ZNF804A: variants seen among roughly 807,000 people sequenced by gnomAD.
ZNF804A encodes zinc finger protein 804A.
A neutral mutation model predicts 16.5 loss-of-function variants in ZNF804A; 2 were observed. The observed-to-expected ratio is 0.12, with a 90% CI of 0.05 to 0.38. ZNF804A has a LOEUF of 0.38. Among genes scored for constraint, ZNF804A ranks in the 10% least tolerant of loss-of-function variants. The pLI, the probability that ZNF804A is intolerant of heterozygous loss-of-function variation, is 0.99. For synonymous variants in ZNF804A, 534 were observed against 489.6 expected (o/e 1.09, Z -1.20); for missense variants, 1,473 against 1,390.7 (o/e 1.06, Z -0.94).
rs1204963272 is a variant in ZNF804A at position 184,741,902 on chromosome 2, C to T, written c.112-124467C>T. Among the ~76,000 whole-genome samples the T allele has an allele frequency of 3.3e-5, 5 of 151,768 alleles. No individual in the cohort carries two copies. In the East Asian group the frequency reaches 5.8e-4, roughly 18 times the overall value. ...TACAAGTAATTAGAATTTTATTTGC[C>T]CTCTGGAAAGCAAGTAACATTTTTC... On this transcript the variant is annotated intron_variant, in intron 1 of 3. Coordinates refer to ENST00000302277, the MANE Select transcript of ZNF804A (RefSeq NM_194250.2).
At chr2:184,892,480 G>GTTTTT (rs1574259380) in intron 2 of ZNF804A, among the ~76,000 whole-genome samples, 1 of 85,512 alleles carries the variant, frequency 1.2e-5, no homozygotes, top group African/African-American at 4.2e-5. Context: ...ACATTGTTGT[G>GTTTTT]TTCTTTTTTT....
intron 1 of ZNF804A, among the ~76,000 whole-genome samples, chr2:184,841,745 ATTTATATTAAAATCTG>A: frequency 6.6e-6 from 1 of 152,098 alleles, no homozygotes; most frequent in Non-Finnish European, 1.5e-5. Flanking sequence ...TAAATGTTTA[ATTTATATTAAAATCTG>A]TGTTTCAGAT....
chr2:184,634,770 A>T (rs2105688879), intron 1 of ZNF804A, among the ~76,000 whole-genome samples: 1 of 152,320 alleles, frequency 6.6e-6, no homozygotes, highest in East Asian at 1.9e-4. Context: ...GACCTCCAGA[A>T]CTGTGATGTA....
intron 2 of ZNF804A, among the ~76,000 whole-genome samples, chr2:184,929,816 ATCC>A (rs1685668508): frequency 6.6e-5 from 10 of 152,104 alleles, no homozygotes; most frequent in Admixed American, 6.6e-4. Context: ...CATCCCCAAC[ATCC>A]AACCCTTTTT....
intron 2 of ZNF804A, among the ~76,000 whole-genome samples, chr2:184,905,654 C>T (rs1254263288): frequency 6.6e-6 from 1 of 152,056 alleles, no homozygotes; most frequent in Non-Finnish European, 1.5e-5. Context: ...TGTTACTTTT[C>T]CTTGAACTGA....
At position 184,734,108 on chromosome 2, in the gene ZNF804A, C is replaced by T. The variant is rs571824261; in HGVS notation, c.112-132261C>T. Reference sequence around the variant, plus strand: ...ATATTATTTTGAGATAGGATCTTGCCGTGTCACCCAGGCTGGAGTGCAGTG... The same window carrying T: ...ATATTATTTTGAGATAGGATCTTGCTGTGTCACCCAGGCTGGAGTGCAGTG... On this transcript the variant is annotated intron_variant, in intron 1 of 3. Coordinates refer to ENST00000302277, the MANE Select transcript of ZNF804A (RefSeq NM_194250.2). Among the ~76,000 whole-genome samples, 7 of 151,870 alleles carry T rather than the reference C, an allele frequency of 4.6e-5. 1 individual carries two copies. The South Asian group carries it at 6.2e-4, about 14-fold the overall frequency.
At chr2:184,830,674 G>T (rs1334715710) in intron 1 of ZNF804A, among the ~76,000 whole-genome samples, 1 of 152,050 alleles carries the variant, frequency 6.6e-6, no homozygotes, top group Non-Finnish European at 1.5e-5. Flanking sequence ...GATTTAAAAA[G>T]AAAACTGTTA....
At chr2:184,765,129 T>C (rs1226808834) in intron 1 of ZNF804A, among the ~76,000 whole-genome samples, 1 of 152,194 alleles carries the variant, frequency 6.6e-6, no homozygotes, top group African/African-American at 2.4e-5. Flanking sequence ...TTCGTAAGAA[T>C]ATAGTTTTGC....
At chr2:184,738,461 A>C (rs143867169) in intron 1 of ZNF804A, among the ~76,000 whole-genome samples, 1 of 152,184 alleles carries the variant, frequency 6.6e-6, no homozygotes, top group Admixed American at 6.5e-5. Flanking sequence ...GTTGACATCA[A>C]ATTATAGATA....
intron 1 of ZNF804A, among the ~76,000 whole-genome samples, chr2:184,726,226 T>C (rs1693407548): frequency 6.6e-6 from 1 of 151,740 alleles, no homozygotes. Flanking sequence ...CCAGAGTGTT[T>C]GTGCCATTTT....
chr2:184,638,114 C>T (rs1220267719), intron 1 of ZNF804A, among the ~76,000 whole-genome samples: 2 of 152,194 alleles, frequency 1.3e-5, no homozygotes, highest in Non-Finnish European at 2.9e-5. Flanking sequence ...AAAATGTTCT[C>T]TGATCCTCCT....
chr2:184,747,380 A>C (rs1693806348), intron 1 of ZNF804A, among the ~76,000 whole-genome samples: 1 of 149,808 alleles, frequency 6.7e-6, no homozygotes, highest in Non-Finnish European at 1.5e-5. Flanking sequence ...GTAAATGTAC[A>C]GATGTTCTCA....
At chr2:184,731,564 CTTT>C (rs34877709) in intron 1 of ZNF804A, among the ~76,000 whole-genome samples, 1 of 84,674 alleles carries the variant, frequency 1.2e-5, no homozygotes, top group Non-Finnish European at 2.2e-5. Flanking sequence ...GTCTTTAACG[CTTT>C]TTTTTTTTTT....
rs149188799 is a variant in ZNF804A, at chr2:184,755,948, A to G, written c.112-110421A>G. On this transcript the variant is annotated intron_variant, in intron 1 of 3. Transcript: ENST00000302277. The stretch of plus-strand genomic sequence containing the variant: ...AAAGTCATTATAAGTCTCAAAAAAT[A>G]CATATTTTCTTCATAACATGCAAAT... Among the ~76,000 whole-genome samples the G allele has an allele frequency of 3.6e-3, 546 of 152,160 alleles. 14 individuals are homozygous for G. The highest frequency in any genetic ancestry group is 0.031 in the Admixed American group (465 of 15,242).
At chr2:184,721,643 A>G (rs763188768) in intron 1 of ZNF804A, among the ~76,000 whole-genome samples, 2 of 152,292 alleles carry the variant, frequency 1.3e-5, no homozygotes, top group African/African-American at 2.4e-5. Context: ...GTGGAAATGT[A>G]CATTAATATA....
chr2:184,861,115 C>T lies in ZNF804A; in HGVS notation c.112-5254C>T, dbSNP rs747041466. ...TCCACAGGTACTGTCCTGGAATCTG[C>T]GGCTCTGGGGCCCTGCCCAGCATTA... is the stretch of plus-strand genomic sequence containing the variant. On this transcript the variant is annotated intron_variant, in intron 1 of 3. Coordinates refer to ENST00000302277, the MANE Select transcript of ZNF804A (RefSeq NM_194250.2). 7.2e-5 allele frequency among the ~76,000 whole-genome samples: 11 copies of T among 152,174 alleles called. No individual in the cohort carries two copies. The South Asian group carries it at 1.0e-3, about 14-fold the overall frequency.
intron 2 of ZNF804A, among the ~76,000 whole-genome samples, chr2:184,882,152 A>G (rs979872184): frequency 1.3e-5 from 2 of 152,062 alleles, no homozygotes; most frequent in Non-Finnish European, 2.9e-5. Context: ...ATAATTTCAG[A>G]CAAAACAGAC....
intron 1 of ZNF804A, among the ~76,000 whole-genome samples, chr2:184,673,831 C>T (rs1197696718): frequency 6.6e-6 from 1 of 152,166 alleles, no homozygotes; most frequent in Non-Finnish European, 1.5e-5. Context: ...TCTGCCACTA[C>T]TTCCAAGGAC....
At chr2:184,738,994 C>G (rs74816203) in intron 1 of ZNF804A, among the ~76,000 whole-genome samples, 6,263 of 152,164 alleles carry the variant, frequency 0.041, 423 homozygotes, top group African/African-American at 0.14. Flanking sequence ...AGCAAATAAA[C>G]ACAAGGTTGA....
Sources: gnomAD v4.1 joint callset for allele counts (sites outside exome capture counted in the v4.1 genomes callset) on GRCh38, gnomAD v4.1.1 for gene constraint, MANE v1.5 for transcripts, NCBI Gene and HGNC (gene_info 2026-07-23, HGNC 2026-07-21) for gene names.